KIAA0319L: variants seen among roughly 807,000 people sequenced by gnomAD.
The protein encoded by KIAA0319L is dyslexia-associated protein KIAA0319-like protein.
Under a neutral mutation model 120.1 loss-of-function variants are expected in KIAA0319L, and 55 were observed. The ratio of observed to expected loss-of-function variants is 0.46; its 90% CI spans 0.37 to 0.57. The LOEUF is 0.57. KIAA0319L is among the 20% of genes least tolerant of loss of function. The pLI is 0.00. For missense variants in KIAA0319L, 1,049 were observed against 1,255.3 expected, an observed-to-expected ratio of 0.84 and a Z score of 2.48; for synonymous variants, 398 against 471.9, an observed-to-expected ratio of 0.84 and a Z score of 2.03.
At chr1:35,539,170 C>T (rs1646698456) in intron 2 of KIAA0319L, among the ~76,000 whole-genome samples, 1 of 152,194 alleles carries the variant, frequency 6.6e-6, no homozygotes, top group African/African-American at 2.4e-5. Context: ...TCTCCACTGA[C>T]AGAGGCAGCC....
At chr1:35,486,377 A>AAAG (rs199571406) in intron 3 of KIAA0319L, among the ~76,000 whole-genome samples, 1,180 of 113,324 alleles carry the variant, frequency 0.01, 30 homozygotes, top group African/African-American at 0.053. Flanking sequence ...CTGTCTCAAG[A>AAAG]AAAAAAAAAA....
rs180971356 is a variant in KIAA0319L at position 35,478,998 on chromosome 1, G to A, written c.881C>T (p.Ala294Val). Reference protein sequence around the residue: ...SYSYATPTPQASFQSTSAPYP... With the variant: ...SYSYATPTPQVSFQSTSAPYP... Reference sequence around the variant, plus strand: ...TGGTGCTGAGGTGCTCTGGAAAGAGGCCTGGGGGGTAGGGGTAGCATAACT... The same window carrying A: ...TGGTGCTGAGGTGCTCTGGAAAGAGACCTGGGGGGTAGGGGTAGCATAACT... The change falls in exon 4 of 21, where the codon GCC becomes GTC. Residue 294 changes from alanine to valine, a missense_variant. Ala to Val is a moderately conservative substitution (Grantham distance 64). Coordinates refer to ENST00000325722, the MANE Select transcript of KIAA0319L (RefSeq NM_024874.5). The A allele has an allele frequency of 6.8e-6, 11 of 1,614,126 alleles. No individual in the cohort carries two copies. In the East Asian group the frequency reaches 2.2e-4, roughly 33 times the overall value.
chr1:35,520,997 G>C (rs1305613592), intron 2 of KIAA0319L, among the ~76,000 whole-genome samples: 1 of 152,176 alleles, frequency 6.6e-6, no homozygotes, highest in Non-Finnish European at 1.5e-5. Context: ...GTTTGAGATA[G>C]AAAATAATTG....
At chr1:35,470,834 G>A (rs1643578085) in intron 6 of KIAA0319L, 29 bp downstream of exon 6, 1 of 1,336,052 alleles carries the variant, frequency 7.5e-7, no homozygotes, top group Non-Finnish European at 1.1e-6. Flanking sequence ...CTCTACCTTT[G>A]CCCTGCAAGT....
chr1:35,513,894 T>A lies in KIAA0319L; in HGVS notation c.143-6759A>T, dbSNP rs370773133. On this transcript the variant is annotated intron_variant, in intron 2 of 20. Coordinates refer to ENST00000325722, the MANE Select transcript of KIAA0319L (RefSeq NM_024874.5). Reference sequence around the variant, plus strand: ...TCAAACACACAAGGTTCACATTCATTTACAGAGGCCACAAAACATAGGAGA... The same window carrying A: ...TCAAACACACAAGGTTCACATTCATATACAGAGGCCACAAAACATAGGAGA... Among the ~76,000 whole-genome samples the A allele has an allele frequency of 2.0e-5, 3 of 152,314 alleles. No homozygotes were observed. In the East Asian group the frequency reaches 5.8e-4, roughly 29 times the overall value.
chr1:35,517,006 A>G (rs976983215), intron 2 of KIAA0319L, among the ~76,000 whole-genome samples: 2 of 152,100 alleles, frequency 1.3e-5, no homozygotes, highest in African/African-American at 4.8e-5. Context: ...TCCAGAGAGA[A>G]GTGAAAGAGC....
At chr1:35,541,391 G>A (rs114188317) in intron 2 of KIAA0319L, among the ~76,000 whole-genome samples, 2,003 of 122,202 alleles carry the variant, frequency 0.016, 19 homozygotes, top group Admixed American at 0.025. Context: ...ACTCTGTCAC[G>A]CAGGCTGGAG....
chr1:35,490,118 G>T (rs1644538188), intron 3 of KIAA0319L, among the ~76,000 whole-genome samples: 1 of 152,136 alleles, frequency 6.6e-6, no homozygotes, highest in Non-Finnish European at 1.5e-5. Context: ...CAGAGATGAG[G>T]TTTTGCCATG....
At chr1:35,516,665 T>C (rs1173766420) in intron 2 of KIAA0319L, among the ~76,000 whole-genome samples, 1 of 152,158 alleles carries the variant, frequency 6.6e-6, no homozygotes, top group Non-Finnish European at 1.5e-5. Flanking sequence ...TTCCCTCTTT[T>C]ACGAATCTTA....
chr1:35,471,076 G>A (rs748388307), intron 5 of KIAA0319L, 116 bp from the exon 6 acceptor site: 3 of 706,214 alleles, frequency 4.2e-6, no homozygotes, highest in Non-Finnish European at 7.7e-6. Flanking sequence ...TAGTTTTTAA[G>A]ATTTCACCCC....
intron 3 of KIAA0319L, among the ~76,000 whole-genome samples, chr1:35,484,219 T>C (rs1644279176): frequency 6.6e-6 from 1 of 152,138 alleles, no homozygotes; most frequent in African/African-American, 2.4e-5. Flanking sequence ...CAGTATACAG[T>C]TTTTGCACAT....
At position 35,534,674 on chromosome 1, in the gene KIAA0319L, A is replaced by C. The variant is rs569136736; in HGVS notation, c.142+19676T>G. On this transcript the variant is annotated intron_variant, in intron 2 of 20. Coordinates refer to ENST00000325722, the MANE Select transcript of KIAA0319L (RefSeq NM_024874.5). ...GGAAATCGAGAACTTCCTGGCTAAC[A>C]CAGTGAAACCCCATCTCTACTAAAA... Among the ~76,000 whole-genome samples the C allele has an allele frequency of 1.3e-5, 2 of 151,984 alleles. 1 individual carries two copies. The highest frequency in any genetic ancestry group is 4.2e-4 in the South Asian group (2 of 4,816).
At chr1:35,510,864 T>C (rs1049814144) in intron 2 of KIAA0319L, 69 of 151,690 alleles carry the variant, frequency 4.5e-4, no homozygotes, top group African/African-American at 1.6e-3. Context: ...GACCTTCGCT[T>C]CCCAAAGTGT....
In KIAA0319L at chr1:35,470,897, T is replaced by G; in HGVS notation, c.1079A>C (p.Glu360Ala). The change falls in exon 6 of 21, where the codon GAA (glutamate) becomes GCA (alanine). Residue 360 changes from glutamate to alanine, a missense_variant. Physicochemically the swap from Glu to Ala is moderately radical, Grantham distance 107. Coordinates refer to ENST00000325722, the MANE Select transcript of KIAA0319L (RefSeq NM_024874.5). ...THPRDYSGEM[E>A]GKHSQILKLS... is the part of the protein sequence containing the mutation. ...TTTGAGGATCTGGGAATGTTTCCCT[T>G]CCATTTCTCCACTGTAGTCTCTAGG... The G allele has an allele frequency of 1.2e-6, 2 of 1,613,600 alleles. No individual in the cohort carries two copies. The highest frequency in any genetic ancestry group is 8.5e-7 in the Non-Finnish European group (1 of 1,179,494).
chr1:35,510,261 A>G (rs945450108), intron 2 of KIAA0319L: 7 of 152,324 alleles, frequency 4.6e-5, no homozygotes, highest in African/African-American at 1.7e-4. Context: ...GCAACTTTAC[A>G]GATGTACTGA....
At chr1:35,484,796 ATATATATATAT>A (rs1178960752) in intron 3 of KIAA0319L, among the ~76,000 whole-genome samples, 5,371 of 46,796 alleles carry the variant, frequency 0.11, 384 homozygotes, top group African/African-American at 0.35. Context: ...ATATATATAT[ATATATATATAT>A]TTTTTTTTTT....
At chr1:35,484,449 T>A (rs1262334360) in intron 3 of KIAA0319L, among the ~76,000 whole-genome samples, 1 of 152,152 alleles carries the variant, frequency 6.6e-6, no homozygotes, top group Non-Finnish European at 1.5e-5. Flanking sequence ...CAATTATTCA[T>A]TGCTAATATA....
At chr1:35,536,330 C>T (rs1274882058) in intron 2 of KIAA0319L, among the ~76,000 whole-genome samples, 1 of 152,234 alleles carries the variant, frequency 6.6e-6, no homozygotes, top group Admixed American at 6.5e-5. Flanking sequence ...AATCTTTCCT[C>T]ATGAAAGGAC....
chr1:35,436,283 A>T (rs945914403), intron 20 of KIAA0319L, among the ~76,000 whole-genome samples: 10 of 152,222 alleles, frequency 6.6e-5, no homozygotes, highest in African/African-American at 2.4e-4. Flanking sequence ...CATGCGCCCA[A>T]GGACCTTGTC....
Sources: gnomAD v4.1 joint callset for allele counts (sites outside exome capture counted in the v4.1 genomes callset) on GRCh38, gnomAD v4.1.1 for gene constraint, MANE v1.5 for transcripts, NCBI Gene and HGNC (gene_info 2026-07-23, HGNC 2026-07-21) for gene names.